CACNA1I: variants seen among roughly 807,000 people sequenced by gnomAD.
CACNA1I encodes the protein calcium voltage-gated channel subunit alpha1 I, also known as voltage-dependent T-type calcium channel subunit alpha-1I.
In CACNA1I, 74 loss-of-function variants were observed where a neutral mutation model predicts 201.6. That is an observed-to-expected ratio of 0.37 (90% confidence interval 0.30 to 0.45). CACNA1I has a LOEUF of 0.45. CACNA1I is among the 20% of genes least tolerant of loss of function. The pLI, the probability that CACNA1I is intolerant of heterozygous loss-of-function variation, is 1.00. For missense variants in CACNA1I, 2,346 were observed against 3,138.1 expected (o/e 0.75, Z 6.03); for synonymous variants, 1,431 against 1,345.2 (o/e 1.06, Z -1.40).
intron 1 of CACNA1I, among the ~76,000 whole-genome samples, chr22:39,576,638 TC>T (rs1194462118): frequency 3.3e-5 from 5 of 152,132 alleles, no homozygotes; most frequent in African/African-American, 1.2e-4. Flanking sequence ...GAAGGCCGCC[TC>T]TCTGCTCGGG....
Position 39,683,713 on chromosome 22 carries a change from C to G in CACNA1I, c.5831-589C>G, listed in dbSNP as rs146001130. Among the ~76,000 whole-genome samples, 140 of 149,330 alleles carry G rather than the reference C, an allele frequency of 9.4e-4. 3 individuals carry two copies. The East Asian group carries it at 0.022, about 24-fold the overall frequency. ...GGCTGCTGCTACCCCCCACGCCCCC[C>G]ACACCCAGACCTGCCCCAGCCTTCA... On this transcript the variant is annotated intron_variant, in intron 35 of 36. Coordinates refer to ENST00000402142, the MANE Select transcript of CACNA1I (RefSeq NM_021096.4).
At chr22:39,619,037 C>T (rs567302060) in intron 3 of CACNA1I, among the ~76,000 whole-genome samples, 2 of 152,292 alleles carry the variant, frequency 1.3e-5, no homozygotes, top group South Asian at 2.1e-4. Context: ...CCACCTGGCA[C>T]AGCGCTGGGC....
intron 10 of CACNA1I, among the ~76,000 whole-genome samples, chr22:39,657,437 G>A (rs1934858066): frequency 6.6e-6 from 1 of 152,198 alleles, no homozygotes; most frequent in Non-Finnish European, 1.5e-5. Context: ...CATGCAGCAG[G>A]TACATTGTGT....
At chr22:39,652,324 C>A in intron 10 of CACNA1I, among the ~76,000 whole-genome samples, 1 of 152,206 alleles carries the variant, frequency 6.6e-6, no homozygotes, top group East Asian at 1.9e-4. Flanking sequence ...GAGCAGCAGG[C>A]TTCACGTGGC....
At chr22:39,672,355 A>C in intron 27 of CACNA1I, 47 bp downstream of exon 27, 2 of 1,258,168 alleles carry the variant, frequency 1.6e-6, no homozygotes, top group Non-Finnish European at 2.3e-6. Flanking sequence ...AGACTGCAGG[A>C]TGAAGAAGCA....
chr22:39,649,640 C>G lies in CACNA1I; in HGVS notation c.1707C>G (p.Ser569Arg). 6.6e-7 allele frequency: 1 copy of G among 1,525,990 alleles called. No homozygotes were observed. The highest frequency in any genetic ancestry group is 1.4e-5 in the African/African-American group (1 of 72,740). 94.5% of individuals were successfully genotyped at this position (1,525,990 alleles called of 1,614,324 possible). The change falls in exon 10 of 37, where the codon AGC becomes AGG. Residue 569 changes from serine (S) to arginine (R), a missense_variant. By Grantham distance (110) the Ser-to-Arg change is moderately radical. Around this residue, in one of 13 missense-constraint regions of CACNA1I, gnomAD observed 312 missense variants for 331.5 expected, o/e 0.94. Coordinates refer to ENST00000402142, the MANE Select transcript of CACNA1I (RefSeq NM_021096.4). This position sits in a 1 kb window ranked among gnomAD's most constrained non-coding sequence, Gnocchi z 7.3. ...EDGRRPSGLGSTDSGQEGSGS... is the reference protein window; with the variant it reads ...EDGRRPSGLGRTDSGQEGSGS... ...GCCGGCGGCCCTCGGGCCTGGGCAG[C>G]ACCGACTCGGGCCAGGAGGGCTCGG... is the stretch of plus-strand genomic sequence containing the variant.
At position 39,639,571 on chromosome 22, in the gene CACNA1I, C is replaced by A. The variant is rs551209918; in HGVS notation, c.741-1296C>A. Among the ~76,000 whole-genome samples, 25 of 152,144 alleles carry A rather than the reference C, an allele frequency of 1.6e-4. 1 individual carries two copies. In the South Asian group the frequency reaches 5.0e-3, roughly 30 times the overall value. ...ATATTCAAATATTATTTTTAGTGTG[C>A]AATCAATATAACAATTAAAAATGAG... On this transcript the variant is annotated intron_variant, in intron 5 of 36. Transcript: ENST00000402142.
chr22:39,672,279 A>C lies in CACNA1I; in HGVS notation c.4620A>C (p.Ala1540=). The C allele has an allele frequency of 1.9e-6, 3 of 1,613,524 alleles. No homozygotes were observed. The highest frequency in any genetic ancestry group is 2.5e-6 in the Non-Finnish European group (3 of 1,179,692). The stretch of plus-strand genomic sequence containing the variant: ...TGGAGGCTGTGCTGAAGCTGGTGGC[A>C]TTTGGTCTGAGGCGCTTCTTCAAGG... The part of the protein sequence containing the change: ...FVLEAVLKLV[A]FGLRRFFKDR... Residue 1540 remains alanine (A), a synonymous_variant, in exon 27 of 37, where the codon GCA becomes GCC. Coordinates refer to ENST00000402142, the MANE Select transcript of CACNA1I (RefSeq NM_021096.4).
intron 1 of CACNA1I, among the ~76,000 whole-genome samples, chr22:39,583,789 C>G (rs1467055595): frequency 6.6e-6 from 1 of 152,258 alleles, no homozygotes; most frequent in East Asian, 1.9e-4. Flanking sequence ...CCTTTTGTAT[C>G]TGGCTTATTC....
rs1934965641 is a variant in CACNA1I, at chr22:39,660,345, G to GT, written c.2607dup (p.Asp870Ter). On this transcript the variant is annotated frameshift_variant and splice_region_variant, in exon 15 of 37. Coordinates refer to ENST00000402142, the MANE Select transcript of CACNA1I (RefSeq NM_021096.4). LOFTEE classifies it high-confidence loss of function. ...CTAACGTGACGGATGCTCTCCCAGG[G>GT]TGACGCCAATCGCTCCTACTCGGAC... 2 of 1,611,752 alleles carry GT rather than the reference G, an allele frequency of 1.2e-6. No individual in the cohort carries two copies.
chr22:39,660,996 A>G (rs1488109333), intron 15 of CACNA1I, 112 bp from the exon 16 acceptor site: 5 of 888,532 alleles, frequency 5.6e-6, no homozygotes, highest in Non-Finnish European at 9.0e-6. Context: ...GCCTCCTTAG[A>G]AAAGCTCTCC....
intron 28 of CACNA1I, 109 bp downstream of exon 28, chr22:39,673,191 G>A (rs1342785685): frequency 8.9e-7 from 1 of 1,119,094 alleles, no homozygotes; most frequent in Non-Finnish European, 1.3e-6. Context: ...GTGGGGGCAG[G>A]AGTTTGCAGG....
At chr22:39,636,348 G>A (rs142462787) in intron 5 of CACNA1I, among the ~76,000 whole-genome samples, 358 of 152,264 alleles carry the variant, frequency 2.4e-3, no homozygotes, top group African/African-American at 8.2e-3. Flanking sequence ...CCCCATCCCC[G>A]CCCCAGGAAG....
chr22:39,679,002 A>C (rs1275508863), intron 31 of CACNA1I, 105 bp from the exon 32 acceptor site: 1 of 854,162 alleles, frequency 1.2e-6, no homozygotes, highest in African/African-American at 1.7e-5. Flanking sequence ...TCGGGGGTTG[A>C]ATCTCGGTCT....
chr22:39,598,277 C>CCGCCT lies in CACNA1I; in HGVS notation c.348+19_348+20insTCGCC, dbSNP rs1932937462. On this transcript the variant is annotated intron_variant, in intron 2 of 36. Coordinates refer to ENST00000402142, the MANE Select transcript of CACNA1I (RefSeq NM_021096.4). Reference sequence around the variant, plus strand: ...AGATCCTGCAGGTGAGCCGGCCGCCCCGCCCCGCCCCGCCCTGCCCTCATC... The same window carrying CCGCCT: ...AGATCCTGCAGGTGAGCCGGCCGCCCCGCCTCGCCCCGCCCCGCCCTGCCCTCATC... 1.5e-6 allele frequency: 2 copies of CCGCCT among 1,326,662 alleles called. No homozygotes were observed. The highest frequency in any genetic ancestry group is 1.9e-5 in the African/African-American group (1 of 51,778). 82.2% of individuals were successfully genotyped at this position (1,326,662 alleles called of 1,614,324 possible).
chr22:39,675,827 G>A (rs1288147829), intron 29 of CACNA1I, among the ~76,000 whole-genome samples: 1 of 152,184 alleles, frequency 6.6e-6, no homozygotes, highest in Admixed American at 6.5e-5. Flanking sequence ...AATATGCCAA[G>A]GCACTGTGGG....
chr22:39,659,104 T>G lies in CACNA1I; in HGVS notation c.2318T>G (p.Ile773Ser). 6.2e-7 allele frequency: 1 copy of G among 1,612,948 alleles called. No homozygotes were observed. The highest frequency in any genetic ancestry group is 8.5e-7 in the Non-Finnish European group (1 of 1,179,670). ...TTCTGCATGCTGCTCATGCTCTTCA[T>G]CTTCATCTTCAGGTGAGCCTGCCCT... ...ATFCMLLMLF[I>S]FIFSILGMHI... Residue 773 changes from isoleucine (I) to serine (S), a missense_variant, in exon 12 of 37, where the codon ATC becomes AGC. By Grantham distance (142) the Ile-to-Ser change is moderately radical. Transcript: ENST00000402142. The surrounding 1 kb of genome is among the most constrained non-coding windows in gnomAD (Gnocchi z 4.3).
intron 5 of CACNA1I, among the ~76,000 whole-genome samples, chr22:39,637,486 G>A (rs1934250029): frequency 6.6e-6 from 1 of 152,080 alleles, no homozygotes; most frequent in Admixed American, 6.5e-5. Flanking sequence ...TGGCGTTCAG[G>A]GTCAAATCCT....
At chr22:39,578,998 C>T (rs1222577690) in intron 1 of CACNA1I, among the ~76,000 whole-genome samples, 2 of 151,978 alleles carry the variant, frequency 1.3e-5, no homozygotes, top group African/African-American at 4.8e-5. Context: ...GGAAGTCTTC[C>T]CTTTTCCTCA....
Sources: gnomAD v4.1 joint callset for allele counts (sites outside exome capture counted in the v4.1 genomes callset) on GRCh38, gnomAD v4.1.1 for gene constraint, gnomAD v4.1.1 regional missense constraint, Gnocchi (gnomAD v3.1) non-coding constraint, MANE v1.5 for transcripts, NCBI Gene and HGNC (gene_info 2026-07-23, HGNC 2026-07-21) for gene names.